FAM120AOS: variants seen among roughly 807,000 people sequenced by gnomAD.
FAM120AOS encodes the protein family with sequence similarity 120 member A opposite strand, also known as uncharacterized protein FAM120AOS.
In FAM120AOS, 15 loss-of-function variants were observed where a neutral mutation model predicts 20.2. That is an observed-to-expected ratio of 0.74 (90% CI 0.50 to 1.15). The LOEUF is 1.15. FAM120AOS is among the 50% of genes most tolerant of loss of function. FAM120AOS has a pLI of 0.00. For missense variants in FAM120AOS, 327 were observed against 351.9 expected, an observed-to-expected ratio of 0.93 and a Z score of 0.57; for synonymous variants, 154 against 154.0, an observed-to-expected ratio of 1.00 and a Z score of 0.00.
rs1250443472 is a variant in FAM120AOS at position 93,446,826 on chromosome 9, GAAA to G, written c.*782_*784del. The G allele has an allele frequency of 3.3e-5, 5 of 152,074 alleles. No homozygotes were observed. The highest frequency in any genetic ancestry group is 4.1e-4 in the South Asian group (2 of 4,820). 9.4% of individuals were successfully genotyped at this position (152,074 alleles called of 1,614,324 possible). A position where few individuals can be genotyped will look rare whatever the true frequency, so the allele number is the denominator to read the frequency against. ...GACACAAGTTTGGTGAACACGGTAA[GAAA>G]AAAACAAACCAAGCAACAAAAACAA... is the stretch of plus-strand genomic sequence containing the variant. On this transcript the variant is annotated 3_prime_UTR_variant, in exon 3 of 3. Transcript: ENST00000375412.
chr9:93,451,850 A>G, intron 1 of FAM120AOS: 3 of 824,150 alleles, frequency 3.6e-6, no homozygotes, highest in Non-Finnish European at 4.2e-6. Flanking sequence ...CCCGCGCGCC[A>G]CGGCCCCACC....
Position 93,447,707 on chromosome 9 carries a change from A to T in FAM120AOS, c.685-10T>A. The T allele has an allele frequency of 6.7e-7, 1 of 1,482,696 alleles. No individual in the cohort carries two copies. Among genetic ancestry groups the T allele is most frequent in the Admixed American group, 1.9e-5 (1 of 52,260 alleles). The allele number at this position is 1,482,696 out of a possible 1,614,324, so 91.8% of individuals were successfully genotyped here. Reference sequence around the variant, plus strand: ...AACAGCTTCTGGAAATCTGAAAAGAAAAAAAAAAAGGTAGTTTATATATTA... The same window carrying T: ...AACAGCTTCTGGAAATCTGAAAAGATAAAAAAAAAGGTAGTTTATATATTA... On this transcript the variant is annotated splice_polypyrimidine_tract_variant and intron_variant, in intron 2 of 2. Coordinates refer to ENST00000375412, the MANE Select transcript of FAM120AOS (RefSeq NM_198841.4).
rs993711325 is a variant in FAM120AOS, at chr9:93,445,676, C to T, written c.*1935G>A. 2.7e-5 allele frequency among the ~76,000 whole-genome samples: 4 copies of T among 149,364 alleles called. No homozygotes were observed. Among genetic ancestry groups the T allele is most frequent in the African/African-American group, 7.4e-5 (3 of 40,648 alleles). ...TGTAATCTGGGCTCACTCCAACCTC[C>T]ACCACCTTGGCTCAAGTAGTCTTCC... On this transcript the variant is annotated 3_prime_UTR_variant, in exon 3 of 3. Coordinates refer to ENST00000375412, the MANE Select transcript of FAM120AOS (RefSeq NM_198841.4).
At chr9:93,451,298 T>C in intron 1 of FAM120AOS, 2 of 1,463,562 alleles carry the variant, frequency 1.4e-6, no homozygotes, top group Admixed American at 4.9e-5. Flanking sequence ...TATCGCTGCT[T>C]CCCTCAGGAG....
chr9:93,444,175 G>C lies in FAM120AOS; in HGVS notation c.*3436C>G, dbSNP rs1856776922. Among the ~76,000 whole-genome samples, 1 of 152,014 alleles carries C rather than the reference G, an allele frequency of 6.6e-6. No homozygotes were observed. The highest frequency in any genetic ancestry group is 6.6e-5 in the Admixed American group (1 of 15,256). ...CCTGCCTCAGCCTCCCGAGTAGCTG[G>C]AATTATAGGCATGCACCACCACGCC... On this transcript the variant is annotated 3_prime_UTR_variant, in exon 3 of 3. Coordinates refer to ENST00000375412, the MANE Select transcript of FAM120AOS (RefSeq NM_198841.4).
At position 93,453,543 on chromosome 9, in the gene FAM120AOS, G is replaced by A. The variant is rs1007378382; in HGVS notation, c.-834C>T. ...TTTGTGAAATTCTGTCTTCGCGGTT[G>A]CCCCCACTGCCCGCGAGGAGATGGT... On this transcript the variant is annotated 5_prime_UTR_variant, in exon 1 of 3. Transcript: ENST00000375412. 2 of 985,442 alleles carry A rather than the reference G, an allele frequency of 2.0e-6. No individual in the cohort carries two copies. The highest frequency in any genetic ancestry group is 2.4e-6 in the Non-Finnish European group (2 of 829,930). 61.0% of individuals were successfully genotyped at this position (985,442 alleles called of 1,614,324 possible). A position where few individuals can be genotyped will look rare whatever the true frequency, so the allele number is the denominator to read the frequency against.
chr9:93,448,915 G>A (rs965625376), intron 2 of FAM120AOS, among the ~76,000 whole-genome samples: 10 of 152,172 alleles, frequency 6.6e-5, no homozygotes, highest in African/African-American at 1.4e-4. Flanking sequence ...GAGCCACTGC[G>A]CCCGGCCCAG....
Position 93,452,694 on chromosome 9 carries a change from C to T in FAM120AOS, c.16G>A (p.Asp6Asn), listed in dbSNP as rs1857319447. The change falls in exon 1 of 3, where the codon GAT becomes AAT. Residue 6 changes from aspartate to asparagine, a missense_variant. Around this residue, in one of 3 missense-constraint regions of FAM120AOS, gnomAD observed 155 missense variants for 128.8 expected, o/e 1.20. Coordinates refer to ENST00000375412, the MANE Select transcript of FAM120AOS (RefSeq NM_198841.4). This position sits in a 1 kb window ranked among gnomAD's most constrained non-coding sequence, Gnocchi z 7.0. MGKTK[D>N]IGDDDTVASE... ...GCGACAGTGTCATCATCCCCAATATCCTTAGTTTTTCCCATCCTATTTGAG... is the reference window on the plus strand; with the variant it reads ...GCGACAGTGTCATCATCCCCAATATTCTTAGTTTTTCCCATCCTATTTGAG... 1 of 1,598,642 alleles carries T rather than the reference C, an allele frequency of 6.3e-7. No homozygotes were observed. Among genetic ancestry groups the T allele is most frequent in the South Asian group, 1.1e-5 (1 of 91,088 alleles).
chr9:93,451,406 C>A, intron 1 of FAM120AOS: 2 of 1,362,216 alleles, frequency 1.5e-6, no homozygotes, highest in East Asian at 2.9e-5. Flanking sequence ...GGGAACAGGG[C>A]GCAGGGGAGG....
At chr9:93,448,928 G>T (rs530580599) in intron 2 of FAM120AOS, among the ~76,000 whole-genome samples, 1 of 151,976 alleles carries the variant, frequency 6.6e-6, no homozygotes, top group Non-Finnish European at 1.5e-5. Flanking sequence ...CGGCCCAGAT[G>T]TTTATTTTTA....
rs1195350369 is a variant in FAM120AOS, at chr9:93,445,934, T to C, written c.*1677A>G. On this transcript the variant is annotated 3_prime_UTR_variant, in exon 3 of 3. Transcript: ENST00000375412. Reference sequence around the variant, plus strand: ...GATGGGCTGATGTCTCATGAATAACTGTGCCAAAATCCTCACTTCTGAGTG... The same window carrying C: ...GATGGGCTGATGTCTCATGAATAACCGTGCCAAAATCCTCACTTCTGAGTG... Among the ~76,000 whole-genome samples the C allele has an allele frequency of 1.3e-5, 2 of 152,202 alleles. No individual in the cohort carries two copies. Among genetic ancestry groups the C allele is most frequent in the Non-Finnish European group, 2.9e-5 (2 of 68,036 alleles).
Position 93,447,553 on chromosome 9 carries a change from G to C in FAM120AOS, c.*58C>G. ...AATAGAGCATTTTCCCTCACACGATGGGTATCAGGGTGGTTTCTTGTCCTT... is the reference window on the plus strand; with the variant it reads ...AATAGAGCATTTTCCCTCACACGATCGGTATCAGGGTGGTTTCTTGTCCTT... On this transcript the variant is annotated 3_prime_UTR_variant, in exon 3 of 3. Transcript: ENST00000375412. The C allele has an allele frequency of 2.8e-6, 4 of 1,404,578 alleles. No individual in the cohort carries two copies. The highest frequency in any genetic ancestry group is 4.0e-6 in the Non-Finnish European group (4 of 996,718). The allele number at this position is 1,404,578 out of a possible 1,614,324, so 87.0% of individuals were successfully genotyped here.
intron 1 of FAM120AOS, 134 bp from the exon 2 acceptor site, chr9:93,450,733 T>A: frequency 7.3e-7 from 1 of 1,361,970 alleles, no homozygotes; most frequent in Non-Finnish European, 1.0e-6. Flanking sequence ...GCAAGCCTAA[T>A]ATACATACAG....
rs1188133298 is a variant in FAM120AOS at position 93,444,144 on chromosome 9, G to T, written c.*3467C>A. 6.6e-6 allele frequency among the ~76,000 whole-genome samples: 1 copy of T among 152,022 alleles called. No individual in the cohort carries two copies. Among genetic ancestry groups the T allele is most frequent in the Admixed American group, 6.5e-5 (1 of 15,268 alleles). ...CAACCTCCACCTCCCAGGTTCAAGC[G>T]ATTCTCCTGCCTCAGCCTCCCGAGT... On this transcript the variant is annotated 3_prime_UTR_variant, in exon 3 of 3. Transcript: ENST00000375412.
intron 2 of FAM120AOS, among the ~76,000 whole-genome samples, chr9:93,450,240 C>T (rs746805066): frequency 5.3e-5 from 8 of 152,168 alleles, no homozygotes; most frequent in Admixed American, 2.0e-4. Flanking sequence ...TCACCCGCCT[C>T]GGCCTCCCAA....
At position 93,444,895 on chromosome 9, in the gene FAM120AOS, T is replaced by C. The variant is rs1276789569; in HGVS notation, c.*2716A>G. ...TCCCAAAGTGCTGGGATTACAGGAATGAGCCACTGCACCCGGCCAGTTCTG... is the reference window on the plus strand; with the variant it reads ...TCCCAAAGTGCTGGGATTACAGGAACGAGCCACTGCACCCGGCCAGTTCTG... On this transcript the variant is annotated 3_prime_UTR_variant, in exon 3 of 3. Transcript: ENST00000375412. 6.6e-6 allele frequency among the ~76,000 whole-genome samples: 1 copy of C among 152,192 alleles called. No individual in the cohort carries two copies. The highest frequency in any genetic ancestry group is 1.5e-5 in the Non-Finnish European group (1 of 68,032).
In FAM120AOS at chr9:93,446,611, A is replaced by T. The variant is rs1166389130; in HGVS notation, c.*1000T>A. On this transcript the variant is annotated 3_prime_UTR_variant, in exon 3 of 3. Transcript: ENST00000375412. The stretch of plus-strand genomic sequence containing the variant: ...CCTTAAGAGAGAATATATATACTCA[A>T]CTGAGTACTGTCTTTCAAAGCAGTC... The T allele has an allele frequency of 6.6e-6, 1 of 152,242 alleles. No homozygotes were observed. The highest frequency in any genetic ancestry group is 1.5e-5 in the Non-Finnish European group (1 of 68,038). The allele number at this position is 152,242 out of a possible 1,614,324, so 9.4% of individuals were successfully genotyped here. A position where few individuals can be genotyped will look rare whatever the true frequency, so the allele number is the denominator to read the frequency against.
At chr9:93,450,073 G>A (rs1169223595) in intron 2 of FAM120AOS, among the ~76,000 whole-genome samples, 1 of 151,492 alleles carries the variant, frequency 6.6e-6, no homozygotes, top group Non-Finnish European at 1.5e-5. Context: ...TGCAACCTCC[G>A]CCTCCCGGGT....
rs780681087 is a variant in FAM120AOS at position 93,447,699 on chromosome 9, T to C, written c.685-2A>G. 2 of 1,600,426 alleles carry C rather than the reference T, an allele frequency of 1.2e-6. No individual in the cohort carries two copies. The highest frequency in any genetic ancestry group is 1.7e-6 in the Non-Finnish European group (2 of 1,173,422). On this transcript the variant is annotated splice_acceptor_variant, in intron 2 of 2. Coordinates refer to ENST00000375412, the MANE Select transcript of FAM120AOS (RefSeq NM_198841.4). LOFTEE classifies it high-confidence loss of function. ...ATTGACAGAACAGCTTCTGGAAATC[T>C]GAAAAGAAAAAAAAAAAGGTAGTTT...
Sources: gnomAD v4.1 joint callset for allele counts (sites outside exome capture counted in the v4.1 genomes callset) on GRCh38, gnomAD v4.1.1 for gene constraint, gnomAD v4.1.1 regional missense constraint, Gnocchi (gnomAD v3.1) non-coding constraint, MANE v1.5 for transcripts, NCBI Gene and HGNC (gene_info 2026-07-23, HGNC 2026-07-21) for gene names.